FREM1: variants seen among roughly 807,000 people sequenced by gnomAD.
FREM1 encodes FRAS1 related extracellular matrix 1.
A neutral mutation model predicts 210.1 loss-of-function variants in FREM1; 220 were observed. The observed-to-expected ratio is 1.05, with a 90% confidence interval of 0.94 to 1.17. The LOEUF (loss-of-function observed/expected upper bound fraction) is 1.17, where lower values mean the gene tolerates loss of function less well. Ranked by LOEUF, FREM1 falls within the 50% of genes most tolerant of loss-of-function variation. The probability of loss-of-function intolerance (pLI) is 0.00; values close to 1 mark genes in which losing one functional copy is unlikely to be tolerated. For missense variants in FREM1, 3,454 were observed against 2,675.5 expected, an observed-to-expected ratio of 1.29 and a Z score of -6.42; for synonymous variants, 1,189 against 980.2, an observed-to-expected ratio of 1.21 and a Z score of -3.98.
intron 10 of FREM1, among the ~76,000 whole-genome samples, chr9:14,834,972 G>A (rs1232189508): frequency 6.6e-6 from 1 of 152,118 alleles, no homozygotes; most frequent in Non-Finnish European, 1.5e-5. Flanking sequence ...TCAAAAGATG[G>A]TTTATAATCA....
chr9:14,864,877 T>G (rs1831229065), intron 2 of FREM1, among the ~76,000 whole-genome samples: 1 of 152,230 alleles, frequency 6.6e-6, no homozygotes, highest in African/African-American at 2.4e-5. Flanking sequence ...ATTCCTCTTT[T>G]AAATTGACAA....
intron 29 of FREM1, among the ~76,000 whole-genome samples, chr9:14,753,593 G>A (rs1843753653): frequency 6.6e-6 from 1 of 152,156 alleles, no homozygotes; most frequent in Admixed American, 6.5e-5. Context: ...AAACCTTACG[G>A]CATCCCACTG....
intron 1 of FREM1, among the ~76,000 whole-genome samples, chr9:14,872,357 G>A (rs1408263951): frequency 6.6e-6 from 1 of 152,080 alleles, no homozygotes. Flanking sequence ...GCAGTGGTTT[G>A]TAGTTCTCCT....
chr9:14,865,920 A>G (rs764446752), intron 2 of FREM1, among the ~76,000 whole-genome samples: 1 of 143,368 alleles, frequency 7.0e-6, no homozygotes, highest in Admixed American at 7.2e-5. Flanking sequence ...TCTCACACAC[A>G]GTTTTAATAT....
chr9:14,840,148 T>C (rs1292801281), intron 10 of FREM1, among the ~76,000 whole-genome samples: 1 of 152,220 alleles, frequency 6.6e-6, no homozygotes, highest in African/African-American at 2.4e-5. Context: ...CAATCATCTA[T>C]GCATTAGCTA....
chr9:14,875,707 G>A (rs1242476910), intron 1 of FREM1, among the ~76,000 whole-genome samples: 26 of 152,024 alleles, frequency 1.7e-4, no homozygotes, highest in Non-Finnish European at 3.2e-4. Context: ...GCTTTGTTCC[G>A]TTGCTGGTGA....
intron 1 of FREM1, among the ~76,000 whole-genome samples, chr9:14,891,539 C>T (rs1484380233): frequency 1.3e-5 from 2 of 152,126 alleles, no homozygotes; most frequent in Non-Finnish European, 2.9e-5. Flanking sequence ...CCAGTCTGGG[C>T]AACACAGCAA....
chr9:14,738,629 C>A (rs901856450), intron 36 of FREM1, among the ~76,000 whole-genome samples: 12 of 152,062 alleles, frequency 7.9e-5, no homozygotes, highest in African/African-American at 2.9e-4. Context: ...TATTACAGTT[C>A]CCTCAAATAC....
chr9:14,748,896 C>A (rs1842894533), intron 30 of FREM1, among the ~76,000 whole-genome samples: 1 of 152,164 alleles, frequency 6.6e-6, no homozygotes. Context: ...ATGAAAATCA[C>A]TGTTATGATT....
chr9:14,877,810 G>C (rs962446040), intron 1 of FREM1, among the ~76,000 whole-genome samples: 1 of 152,142 alleles, frequency 6.6e-6, no homozygotes, highest in Non-Finnish European at 1.5e-5. Flanking sequence ...CTAAAGCAGA[G>C]AACCCAGCTA....
intron 4 of FREM1, among the ~76,000 whole-genome samples, chr9:14,858,222 C>G (rs1025256900): frequency 3.3e-5 from 5 of 152,184 alleles, no homozygotes; most frequent in African/African-American, 9.7e-5. Flanking sequence ...TTTTACTAAG[C>G]CTTCCCTTAA....
chr9:14,824,799 T>A lies in FREM1; in HGVS notation c.2075A>T (p.His692Leu). ...CAAATGGTGACTTTTCAGATACCTG[T>A]GGCTGAAGGAGAAAAATGGAGGAGT... Reference protein sequence around the residue: ...ITTPPFFSFSHRHLDAGKLFM... With the variant: ...ITTPPFFSFSLRHLDAGKLFM... Residue 692 changes from histidine to leucine, a missense_variant, in exon 11 of 37, where the codon CAC becomes CTC. Transcript: ENST00000380880. 1 of 1,609,048 alleles carries A rather than the reference T, an allele frequency of 6.2e-7. No individual in the cohort carries two copies. The highest frequency in any genetic ancestry group is 8.5e-7 in the Non-Finnish European group (1 of 1,177,112).
rs562120622 is a variant in FREM1, at chr9:14,784,460, G to C, written c.4352C>G (p.Pro1451Arg). 4 of 1,613,896 alleles carry C rather than the reference G, an allele frequency of 2.5e-6. No homozygotes were observed. The highest frequency in any genetic ancestry group is 3.3e-5 in the Admixed American group (2 of 60,010). ...QIEYVHYPGV[P>R]ITNFSQMDVV... ...ATCCATTTGGCTGAAGTTTGTAATGGGAACTCCAGGATAGTGAACATATTC... is the reference window on the plus strand; with the variant it reads ...ATCCATTTGGCTGAAGTTTGTAATGCGAACTCCAGGATAGTGAACATATTC... Residue 1451 changes from proline to arginine, a missense_variant, in exon 24 of 37, where the codon CCC becomes CGC. Transcript: ENST00000380880.
At chr9:14,849,424 T>C (rs561909681) in intron 6 of FREM1, among the ~76,000 whole-genome samples, 18 of 152,366 alleles carry the variant, frequency 1.2e-4, no homozygotes, top group Non-Finnish European at 1.6e-4. Context: ...AAGTAGGGGC[T>C]GCGTGATAAG....
At chr9:14,874,199 G>T (rs1012582550) in intron 1 of FREM1, among the ~76,000 whole-genome samples, 2 of 152,076 alleles carry the variant, frequency 1.3e-5, no homozygotes, top group African/African-American at 4.8e-5. Flanking sequence ...TGGTGCAGAG[G>T]TGAGTTCAAT....
At chr9:14,783,685 A>G (rs1021016964) in intron 24 of FREM1, among the ~76,000 whole-genome samples, 10 of 152,266 alleles carry the variant, frequency 6.6e-5, no homozygotes, top group Admixed American at 4.6e-4. Context: ...AAATTTCCAT[A>G]TTTTAAATGA....
At chr9:14,746,250 A>G in intron 35 of FREM1, 103 bp downstream of exon 35, 3 of 806,700 alleles carry the variant, frequency 3.7e-6, no homozygotes, top group Non-Finnish European at 6.0e-6. Context: ...GATATTAGGC[A>G]CTCAATACTT....
Position 14,860,816 on chromosome 9 carries a change from C to T in FREM1, c.330-1332G>A, listed in dbSNP as rs549478547. On this transcript the variant is annotated intron_variant, in intron 3 of 36. Transcript: ENST00000380880. ...ATATATACACATATATACATATATA[C>T]ACATATATACATATATACGTATATA... is the stretch of plus-strand genomic sequence containing the variant. 1.5e-4 allele frequency among the ~76,000 whole-genome samples: 11 copies of T among 72,162 alleles called. 3 individuals carry two copies. Among genetic ancestry groups the T allele is most frequent in the East Asian group, 5.1e-4 (1 of 1,946 alleles). 47.3% of individuals were successfully genotyped at this position (72,162 alleles called of 152,430 possible).
At chr9:14,757,325 T>C (rs113887660) in intron 28 of FREM1, among the ~76,000 whole-genome samples, 15,513 of 151,774 alleles carry the variant, frequency 0.1, 850 homozygotes, top group Non-Finnish European at 0.12. Context: ...GAGGCAGAGG[T>C]GGGTGGATCA....
Sources: allele counts gnomAD v4.1 joint callset (sites outside exome capture counted in the v4.1 genomes callset), GRCh38; gene constraint gnomAD v4.1.1; transcripts MANE v1.5; gene names NCBI Gene and HGNC (gene_info 2026-07-23, HGNC 2026-07-21).